The following LGSN variants were observed in gnomAD, a reference collection of about 807,000 sequenced individuals.
LGSN encodes lengsin.
In LGSN, 21 loss-of-function variants were observed where a neutral mutation model predicts 19.5. That is an observed-to-expected ratio of 1.07 (90% CI 0.76 to 1.55). The LOEUF (loss-of-function observed/expected upper bound fraction) is 1.55, where lower values mean the gene tolerates loss of function less well. LGSN is among the 40% of genes most tolerant of loss of function. The pLI is 0.00. For synonymous variants in LGSN, 257 were observed against 215.6 expected (o/e 1.19, Z -1.68); for missense variants, 673 against 608.5 (o/e 1.11, Z -1.12).
At chr6:63,372,321 C>T in the LGSN span, among the ~76,000 whole-genome samples, 1 of 152,150 alleles carries the variant, frequency 6.6e-6, no homozygotes, top group Non-Finnish European at 1.5e-5. Flanking sequence ...TTCAGTTAGG[C>T]TTCATTTCTT....
At chr6:63,449,769 G>T in the LGSN span, among the ~76,000 whole-genome samples, 1 of 152,046 alleles carries the variant, frequency 6.6e-6, no homozygotes, top group Non-Finnish European at 1.5e-5. Flanking sequence ...ATAGTGGTTG[G>T]ATCCTAAGAA....
At chr6:63,374,425 C>A in the LGSN span, among the ~76,000 whole-genome samples, 1 of 152,208 alleles carries the variant, frequency 6.6e-6, no homozygotes, top group African/African-American at 2.4e-5. Flanking sequence ...ACTACAGCAC[C>A]TTTGCCATCT....
At chr6:63,411,786 G>A in the LGSN span, among the ~76,000 whole-genome samples, 9 of 152,232 alleles carry the variant, frequency 5.9e-5, no homozygotes, top group East Asian at 1.7e-3. Context: ...GGTTGGGGCT[G>A]CACTGAGTCA....
At chr6:63,468,400 T>C in the LGSN span, among the ~76,000 whole-genome samples, 5 of 152,210 alleles carry the variant, frequency 3.3e-5, no homozygotes, top group South Asian at 1.0e-3. Context: ...AGTGCTGGGA[T>C]TACAGGCATG....
chr6:63,366,429 G>A, the LGSN span, among the ~76,000 whole-genome samples: 5 of 152,120 alleles, frequency 3.3e-5, no homozygotes, highest in East Asian at 1.9e-4. Flanking sequence ...ACTGCTCAAC[G>A]AAATAAAAGA....
the LGSN span, among the ~76,000 whole-genome samples, chr6:63,562,893 T>C: frequency 6.6e-6 from 1 of 152,240 alleles, no homozygotes. Context: ...TTATGGAACT[T>C]TTCATCAGTG....
At chr6:63,502,421 C>T in the LGSN span, among the ~76,000 whole-genome samples, 5 of 152,094 alleles carry the variant, frequency 3.3e-5, no homozygotes, top group East Asian at 1.9e-4. Flanking sequence ...TACTATGACT[C>T]ATTCTATTTT....
chr6:63,361,334 C>T, the LGSN span, among the ~76,000 whole-genome samples: 3 of 152,188 alleles, frequency 2.0e-5, no homozygotes, highest in African/African-American at 7.2e-5. Context: ...GCTTTGTTTA[C>T]CTACTCAAGC....
chr6:63,440,686 G>A, the LGSN span: 1 of 152,202 alleles, frequency 6.6e-6, no homozygotes. Context: ...GGGGCCCGCT[G>A]AACTGACCAG....
chr6:63,495,053 A>G, the LGSN span, among the ~76,000 whole-genome samples: 82 of 152,292 alleles, frequency 5.4e-4, no homozygotes, highest in South Asian at 7.9e-3. Flanking sequence ...CTATATAATA[A>G]CACATTTAAT....
the LGSN span, among the ~76,000 whole-genome samples, chr6:63,336,932 CT>C: frequency 3.9e-4 from 54 of 138,684 alleles, no homozygotes; most frequent in African/African-American, 1.3e-3. Flanking sequence ...CTTTTCTTTT[CT>C]TTTTTTTTGA....
intron 1 of LGSN, among the ~76,000 whole-genome samples, chr6:63,309,218 G>A (rs927761444): frequency 6.6e-6 from 1 of 152,148 alleles, no homozygotes; most frequent in Non-Finnish European, 1.5e-5. Context: ...GATCACCTGA[G>A]GTCAGGAGTT....
the LGSN span, among the ~76,000 whole-genome samples, chr6:63,493,665 A>G: frequency 6.6e-6 from 1 of 151,382 alleles, no homozygotes; most frequent in African/African-American, 2.5e-5. Flanking sequence ...TACCATGACT[A>G]TAGATTCCTC....
chr6:63,359,511 G>A, the LGSN span, among the ~76,000 whole-genome samples: 19,702 of 151,904 alleles, frequency 0.13, 2,794 homozygotes, highest in African/African-American at 0.35. Flanking sequence ...CAATTTCAGA[G>A]CCTGTTATCG....
At chr6:63,283,941 C>G (rs1475861218) in intron 3 of LGSN, among the ~76,000 whole-genome samples, 2 of 152,116 alleles carry the variant, frequency 1.3e-5, no homozygotes, top group Non-Finnish European at 2.9e-5. Flanking sequence ...CTCAGGTGAT[C>G]CGTCGGCCTC....
chr6:63,389,334 G>T, the LGSN span, among the ~76,000 whole-genome samples: 1 of 152,186 alleles, frequency 6.6e-6, no homozygotes, highest in Non-Finnish European at 1.5e-5. Flanking sequence ...AGAGAGGAAA[G>T]GATATTGAGC....
chr6:63,363,732 C>T, the LGSN span, among the ~76,000 whole-genome samples: 2 of 152,146 alleles, frequency 1.3e-5, no homozygotes, highest in Admixed American at 1.3e-4. Flanking sequence ...GATTGGTGTA[C>T]CTGAAAGTGA....
At chr6:63,493,877 A>T in the LGSN span, among the ~76,000 whole-genome samples, 1 of 152,166 alleles carries the variant, frequency 6.6e-6, no homozygotes, top group Non-Finnish European at 1.5e-5. Flanking sequence ...AAGTTGATTC[A>T]ATTTTCAAAA....
the LGSN span, among the ~76,000 whole-genome samples, chr6:63,512,167 C>T: frequency 6.6e-6 from 1 of 151,770 alleles, no homozygotes; most frequent in Non-Finnish European, 1.5e-5. Context: ...ACCGCAACCT[C>T]TGCCTCCTGG....
Sources: allele counts gnomAD v4.1 joint callset (sites outside exome capture counted in the v4.1 genomes callset), GRCh38; gene constraint gnomAD v4.1.1; transcripts MANE v1.5; gene names NCBI Gene and HGNC (gene_info 2026-07-23, HGNC 2026-07-21).